The following NBAS variants were observed in gnomAD, a reference collection of about 807,000 sequenced individuals.
NBAS encodes the protein NBAS subunit of NRZ tethering complex.
Under a neutral mutation model 302.5 loss-of-function variants are expected in NBAS, and 219 were observed. That is an observed-to-expected ratio of 0.72 (90% CI 0.65 to 0.81). The LOEUF (loss-of-function observed/expected upper bound fraction) is 0.81, where lower values mean the gene tolerates loss of function less well. Ranked by LOEUF, NBAS falls within the 30% of genes least tolerant of loss-of-function variation. The pLI, the probability that NBAS is intolerant of heterozygous loss-of-function variation, is 0.00. For missense variants in NBAS, 2,932 were observed against 2,841.6 expected (o/e 1.03, Z -0.72); for synonymous variants, 1,118 against 1,021.6 (o/e 1.09, Z -1.80).
chr2:14,915,680 A>G, the NBAS span, among the ~76,000 whole-genome samples: 1 of 152,128 alleles, frequency 6.6e-6, no homozygotes, highest in Non-Finnish European at 1.5e-5. Flanking sequence ...CTCCTGCCTC[A>G]GCCTCCCAAG....
the NBAS span, among the ~76,000 whole-genome samples, chr2:15,159,232 G>A: frequency 2.0e-5 from 3 of 152,234 alleles, no homozygotes; most frequent in East Asian, 3.9e-4. Flanking sequence ...GGCCCTGCGC[G>A]TTCACCAGTT....
chr2:15,115,813 T>C, the NBAS span, among the ~76,000 whole-genome samples: 1 of 152,160 alleles, frequency 6.6e-6, no homozygotes, highest in Admixed American at 6.6e-5. Flanking sequence ...TGCCCAATCA[T>C]AGTAATTGTT....
intron 38 of NBAS, among the ~76,000 whole-genome samples, chr2:15,324,732 C>T (rs1671985123): frequency 6.6e-6 from 1 of 152,180 alleles, no homozygotes; most frequent in African/African-American, 2.4e-5. Flanking sequence ...GCTCGAGGAC[C>T]TCTCTTTCAG....
intron 31 of NBAS, among the ~76,000 whole-genome samples, chr2:15,369,822 C>G (rs947248394): frequency 1.3e-5 from 2 of 152,142 alleles, no homozygotes; most frequent in Non-Finnish European, 2.9e-5. Flanking sequence ...CGTATACACA[C>G]ACACACACAT....
intron 21 of NBAS, among the ~76,000 whole-genome samples, chr2:15,454,100 C>T (rs371387129): frequency 4.6e-4 from 70 of 152,002 alleles, no homozygotes; most frequent in African/African-American, 1.5e-3. Flanking sequence ...TCTAAGAGGG[C>T]GAGAAGAATC....
At chr2:14,843,431 A>G in the NBAS span, among the ~76,000 whole-genome samples, 6 of 151,964 alleles carry the variant, frequency 3.9e-5, no homozygotes, top group African/African-American at 1.4e-4. Context: ...GACCCCACCA[A>G]AAAAAATGGT....
chr2:15,027,943 A>G, the NBAS span, among the ~76,000 whole-genome samples: 122,312 of 152,142 alleles, frequency 0.8, 49,690 homozygotes, highest in East Asian at 1. Flanking sequence ...GTGTCTACAT[A>G]TTTCATTGAT....
At chr2:15,256,435 G>A (rs1668596705) in intron 44 of NBAS, among the ~76,000 whole-genome samples, 1 of 152,162 alleles carries the variant, frequency 6.6e-6, no homozygotes, top group African/African-American at 2.4e-5. Context: ...ACAAGACCTA[G>A]AAGCTTTTTG....
chr2:15,372,599 T>C (rs17668738), intron 31 of NBAS, among the ~76,000 whole-genome samples: 7,748 of 152,264 alleles, frequency 0.051, 266 homozygotes, highest in Non-Finnish European at 0.074. Flanking sequence ...ACAAAAAGTA[T>C]ACAAAGGCAA....
chr2:15,164,450 C>G (rs1663968545), downstream of NBAS, among the ~76,000 whole-genome samples: 1 of 152,210 alleles, frequency 6.6e-6, no homozygotes, highest in South Asian at 2.1e-4. Flanking sequence ...GCATTATTAG[C>G]CCTAGTTATG....
chr2:15,462,042 T>G (rs934074961), intron 19 of NBAS, among the ~76,000 whole-genome samples: 1 of 152,232 alleles, frequency 6.6e-6, no homozygotes, highest in African/African-American at 2.4e-5. Context: ...TTAAGTTAAT[T>G]GCAGTAGGAC....
the NBAS span, among the ~76,000 whole-genome samples, chr2:15,048,441 G>A: frequency 6.6e-6 from 1 of 152,222 alleles, no homozygotes; most frequent in African/African-American, 2.4e-5. Context: ...TCCAAGGATT[G>A]AAGTGCTAAA....
At chr2:15,294,483 A>G (rs1005043533) in intron 40 of NBAS, among the ~76,000 whole-genome samples, 6 of 152,198 alleles carry the variant, frequency 3.9e-5, no homozygotes, top group African/African-American at 1.4e-4. Flanking sequence ...CTCTTAGTGC[A>G]TCTATGGCTG....
intron 25 of NBAS, among the ~76,000 whole-genome samples, chr2:15,411,307 C>T (rs1345406206): frequency 6.6e-6 from 1 of 152,174 alleles, no homozygotes; most frequent in Non-Finnish European, 1.5e-5. Flanking sequence ...CAATCCCCAT[C>T]CCAAGTAGCC....
At chr2:15,127,572 GC>G in the NBAS span, among the ~76,000 whole-genome samples, 1 of 152,178 alleles carries the variant, frequency 6.6e-6, no homozygotes, top group Admixed American at 6.5e-5. Context: ...GGTTACCTGG[GC>G]CCAGCAAGGA....
the NBAS span, among the ~76,000 whole-genome samples, chr2:14,810,463 C>T: frequency 1.3e-5 from 2 of 152,210 alleles, no homozygotes; most frequent in African/African-American, 4.8e-5. Context: ...CGATGTAAGA[C>T]ATGATTTGCT....
At chr2:15,531,127 G>A (rs1663192931) in intron 9 of NBAS, among the ~76,000 whole-genome samples, 1 of 152,056 alleles carries the variant, frequency 6.6e-6, no homozygotes. Flanking sequence ...CAGATATGCA[G>A]GGCTTCAAAA....
the NBAS span, among the ~76,000 whole-genome samples, chr2:15,064,098 G>A: frequency 6.6e-6 from 1 of 152,092 alleles, no homozygotes; most frequent in African/African-American, 2.4e-5. Context: ...TTGATTATCT[G>A]TCTTCGTTGT....
intron 36 of NBAS, among the ~76,000 whole-genome samples, chr2:15,329,708 G>T (rs1034320305): frequency 2.0e-5 from 3 of 152,100 alleles, no homozygotes; most frequent in African/African-American, 4.8e-5. Context: ...TATGTTCTGT[G>T]CAGATGTCAA....
Sources: allele counts gnomAD v4.1 joint callset (sites outside exome capture counted in the v4.1 genomes callset), GRCh38; gene constraint gnomAD v4.1.1; transcripts MANE v1.5; gene names NCBI Gene and HGNC (gene_info 2026-07-23, HGNC 2026-07-21).